SPATA7: variants seen among roughly 807,000 people sequenced by gnomAD.
SPATA7 encodes spermatogenesis associated 7.
A neutral mutation model predicts 51.8 loss-of-function variants in SPATA7; 43 were observed. The observed-to-expected ratio is 0.83, with a 90% CI of 0.65 to 1.07. The LOEUF (loss-of-function observed/expected upper bound fraction) is 1.07, where lower values mean the gene tolerates loss of function less well. Ranked by LOEUF, SPATA7 falls within the 50% of genes least tolerant of loss-of-function variation. SPATA7 has a pLI of 0.00. For synonymous variants in SPATA7, 230 were observed against 252.8 expected (o/e 0.91, Z 0.86); for missense variants, 683 against 701.3 (o/e 0.97, Z 0.30).
chr14:88,433,473 G>A (rs2076993170), intron 10 of SPATA7, among the ~76,000 whole-genome samples: 1 of 152,104 alleles, frequency 6.6e-6, no homozygotes, highest in African/African-American at 2.4e-5. Context: ...TGAGTTATAA[G>A]TGACTAGTGA....
At chr14:88,386,548 A>G (rs1277162919) in intron 1 of SPATA7, among the ~76,000 whole-genome samples, 6 of 152,128 alleles carry the variant, frequency 3.9e-5, no homozygotes, top group African/African-American at 7.2e-5. Flanking sequence ...CGTACTCACC[A>G]TATACACCTG....
At chr14:88,428,642 A>G (rs544190471) in intron 7 of SPATA7, 1 of 152,208 alleles carries the variant, frequency 6.6e-6, no homozygotes, top group Non-Finnish European at 1.5e-5. Flanking sequence ...ATTTTTGGAA[A>G]GAGTTAGCTT....
chr14:88,458,626 A>T (rs182434049), downstream of SPATA7, among the ~76,000 whole-genome samples: 19 of 151,278 alleles, frequency 1.3e-4, no homozygotes, highest in African/African-American at 4.6e-4. Context: ...TTTCTTCTTT[A>T]TTAGTCTTGC....
At chr14:88,400,375 G>A (rs769469351) in intron 4 of SPATA7, among the ~76,000 whole-genome samples, 2 of 152,086 alleles carry the variant, frequency 1.3e-5, no homozygotes, top group African/African-American at 2.4e-5. Context: ...TAAAAGAGGG[G>A]ATCTCAAACA....
intron 3 of SPATA7, among the ~76,000 whole-genome samples, chr14:88,447,728 T>G (rs1021025184): frequency 6.6e-6 from 1 of 152,114 alleles, no homozygotes; most frequent in Non-Finnish European, 1.5e-5. Context: ...GGATTTTATT[T>G]CTCCTTCACT....
chr14:88,448,557 C>T (rs1186472290), intron 3 of SPATA7, among the ~76,000 whole-genome samples: 5 of 152,296 alleles, frequency 3.3e-5, no homozygotes, highest in South Asian at 2.1e-4. Flanking sequence ...GGAGGAGAGG[C>T]GCTCTGCTTT....
At chr14:88,441,875 A>C (rs957720451), downstream of SPATA7, among the ~76,000 whole-genome samples, 1 of 151,978 alleles carries the variant, frequency 6.6e-6, no homozygotes, top group Non-Finnish European at 1.5e-5. Flanking sequence ...TCTGTTTTTG[A>C]TGCATTTGCG....
In SPATA7 at chr14:88,454,902, G is replaced by A. The variant is rs376438555; in HGVS notation, c.178-158G>A. 1.6e-4 allele frequency among the ~76,000 whole-genome samples: 24 copies of A among 152,256 alleles called. No homozygotes were observed. The East Asian group carries it at 2.1e-3, about 13-fold the overall frequency. On this transcript the variant is annotated intron_variant, in intron 3 of 3. Coordinates refer to the SPATA7 transcript ENST00000554802. ...TCCCAAATTAGGACATATATTAAAC[G>A]TCCATTGATTTTTAATTACTAAAGC...
intron 3 of SPATA7, among the ~76,000 whole-genome samples, chr14:88,453,110 C>G (rs1446946319): frequency 6.6e-6 from 1 of 152,176 alleles, no homozygotes; most frequent in Non-Finnish European, 1.5e-5. Context: ...ATACTGTTTA[C>G]CCAATTTGTC....
downstream of SPATA7, among the ~76,000 whole-genome samples, chr14:88,457,947 A>C (rs1595319018): frequency 6.6e-6 from 1 of 152,042 alleles, no homozygotes; most frequent in East Asian, 1.9e-4. Flanking sequence ...GGGCTGTTGA[A>C]TTTTCTCAAA....
At chr14:88,395,111 C>A (rs2075846502) in intron 3 of SPATA7, among the ~76,000 whole-genome samples, 1 of 151,990 alleles carries the variant, frequency 6.6e-6, no homozygotes, top group Non-Finnish European at 1.5e-5. Context: ...TTTAGACTTA[C>A]ATAAACATTT....
chr14:88,422,097 G>A (rs1471320102), intron 5 of SPATA7, among the ~76,000 whole-genome samples: 1 of 152,114 alleles, frequency 6.6e-6, no homozygotes, highest in Non-Finnish European at 1.5e-5. Flanking sequence ...ATAGGATGAG[G>A]TGCAGGTTTT....
rs571840217 is a variant in SPATA7 at position 88,448,320 on chromosome 14, T to G, written c.178-6740T>G. On this transcript the variant is annotated intron_variant, in intron 3 of 3. Coordinates refer to the SPATA7 transcript ENST00000554802. ...CATTCTTCACATAGTTCTCGAGCCTTGGTTTTCAGCTCCATCAGCTCCTTT... is the reference window on the plus strand; with the variant it reads ...CATTCTTCACATAGTTCTCGAGCCTGGGTTTTCAGCTCCATCAGCTCCTTT... 3.9e-5 allele frequency among the ~76,000 whole-genome samples: 6 copies of G among 152,352 alleles called. 1 individual carries two copies. In the East Asian group the frequency reaches 9.6e-4, roughly 24 times the overall value.
intron 4 of SPATA7, among the ~76,000 whole-genome samples, chr14:88,464,135 C>T (rs1007364895): frequency 6.6e-6 from 1 of 151,996 alleles, no homozygotes; most frequent in African/African-American, 2.4e-5. Context: ...CCACCACGAC[C>T]GGCCTTCCTC....
At chr14:88,470,165 A>C in exon 5 of SPATA7, 1 of 932,188 alleles carries the variant, frequency 1.1e-6, no homozygotes, top group Non-Finnish European at 1.6e-6. Context: ...AAAGTAAAAA[A>C]GTAGTAAACT....
intron 8 of SPATA7, 130 bp from the exon 9 acceptor site, chr14:88,431,042 T>C (rs1372457240): frequency 3.3e-6 from 3 of 902,796 alleles, no homozygotes; most frequent in Non-Finnish European, 5.5e-6. Flanking sequence ...AAAATCCAAA[T>C]TCTGAAACAC....
rs979019465 is a variant in SPATA7, at chr14:88,460,476, T to A, written c.255-9371T>A. Among the ~76,000 whole-genome samples the A allele has an allele frequency of 2.6e-4, 39 of 150,338 alleles. 1 individual carries two copies. Among genetic ancestry groups the A allele is most frequent in the Non-Finnish European group, 4.5e-5 (3 of 66,630 alleles). On this transcript the variant is annotated intron_variant, in intron 4 of 4. Coordinates refer to the SPATA7 transcript ENST00000556406. ...CATTCATTTGATCTTCAATCACTGA[T>A]ACCCTTTCTTCCAGTTGATCGAATC...
downstream of SPATA7, among the ~76,000 whole-genome samples, chr14:88,442,591 TTA>T: frequency 6.6e-6 from 1 of 152,188 alleles, no homozygotes; most frequent in Non-Finnish European, 1.5e-5. Context: ...TATATCACAT[TTA>T]TTGATTTTCA....
chr14:88,436,844 G>A (rs2077103275), intron 10 of SPATA7, among the ~76,000 whole-genome samples: 1 of 152,114 alleles, frequency 6.6e-6, no homozygotes, highest in Non-Finnish European at 1.5e-5. Context: ...ACTGTAATTT[G>A]AAGTCAGGTA....
Sources: allele counts gnomAD v4.1 joint callset (sites outside exome capture counted in the v4.1 genomes callset), GRCh38; gene constraint gnomAD v4.1.1; transcripts MANE v1.5; gene names NCBI Gene and HGNC (gene_info 2026-07-23, HGNC 2026-07-21).